Variants in PRR16 observed in about 807,000 individuals in gnomAD.
PRR16 encodes protein Largen.
PRR16 carries 6 observed loss-of-function variants against 18.2 expected under a neutral mutation model. That is an observed-to-expected ratio of 0.33 (90% CI 0.18 to 0.65). PRR16 has a LOEUF of 0.65. Among genes scored for constraint, PRR16 ranks in the 30% least tolerant of loss-of-function variants. The pLI is 0.74. For synonymous variants in PRR16, 151 were observed against 147.8 expected, an observed-to-expected ratio of 1.02 and a Z score of -0.16; for missense variants, 412 against 376.6, an observed-to-expected ratio of 1.09 and a Z score of -0.78.
At chr5:120,535,629 G>A (rs1269909321) in intron 1 of PRR16, among the ~76,000 whole-genome samples, 1 of 151,416 alleles carries the variant, frequency 6.6e-6, no homozygotes, top group Non-Finnish European at 1.5e-5. Flanking sequence ...GTGAAATCAC[G>A]TCTGTACTAA....
intron 1 of PRR16, among the ~76,000 whole-genome samples, chr5:120,670,975 C>G (rs1019972377): frequency 6.6e-6 from 1 of 152,098 alleles, no homozygotes; most frequent in African/African-American, 2.4e-5. Flanking sequence ...TAGGTAAAAC[C>G]CCACTCATTA....
intron 1 of PRR16, among the ~76,000 whole-genome samples, chr5:120,578,865 C>T (rs1753168466): frequency 6.6e-6 from 1 of 152,128 alleles, no homozygotes; most frequent in Admixed American, 6.5e-5. Context: ...TTCCCACCAA[C>T]AGTGTAAAAG....
chr5:120,470,892 C>T (rs1351022349), intron 1 of PRR16, among the ~76,000 whole-genome samples: 1 of 152,078 alleles, frequency 6.6e-6, no homozygotes, highest in Non-Finnish European at 1.5e-5. Flanking sequence ...AACCGCCAAG[C>T]TCTTTCACGT....
intron 1 of PRR16, among the ~76,000 whole-genome samples, chr5:120,590,785 C>T (rs544478179): frequency 6.6e-6 from 1 of 152,000 alleles, no homozygotes; most frequent in Non-Finnish European, 1.5e-5. Flanking sequence ...AGTCAAGCTC[C>T]TATCTCATGA....
chr5:120,709,201 G>T, the PRR16 span, among the ~76,000 whole-genome samples: 123 of 151,652 alleles, frequency 8.1e-4, no homozygotes, highest in Middle Eastern at 3.4e-3. Context: ...TAGAGACGGG[G>T]TTTCACCATG....
chr5:120,734,559 T>TA, the PRR16 span, among the ~76,000 whole-genome samples: 13 of 151,860 alleles, frequency 8.6e-5, no homozygotes, highest in Non-Finnish European at 4.4e-5. Flanking sequence ...TTTATTTTTT[T>TA]GAAAATTCTT....
chr5:120,630,881 A>G (rs1755029374), intron 1 of PRR16, among the ~76,000 whole-genome samples: 1 of 152,158 alleles, frequency 6.6e-6, no homozygotes, highest in Non-Finnish European at 1.5e-5. Flanking sequence ...GTAAATCTAG[A>G]TACGCATTTT....
chr5:120,630,591 G>A (rs79153392), intron 1 of PRR16, among the ~76,000 whole-genome samples: 2 of 150,700 alleles, frequency 1.3e-5, no homozygotes, highest in Admixed American at 6.6e-5. Context: ...TTTTTTTCAT[G>A]CACCCAGAAT....
chr5:120,568,848 A>C (rs557195212), intron 1 of PRR16, among the ~76,000 whole-genome samples: 11 of 152,240 alleles, frequency 7.2e-5, no homozygotes, highest in Middle Eastern at 3.4e-3. Flanking sequence ...TGTGAAATGA[A>C]TTTAGCTAAA....
chr5:120,488,515 T>C (rs1345182916), intron 1 of PRR16, among the ~76,000 whole-genome samples: 1 of 152,204 alleles, frequency 6.6e-6, no homozygotes, highest in Non-Finnish European at 1.5e-5. Context: ...CATTTTTTAT[T>C]GTGTCTATTT....
intron 1 of PRR16, chr5:120,618,439 C>T: frequency 2.1e-6 from 2 of 960,244 alleles, no homozygotes; most frequent in Non-Finnish European, 2.5e-6. Context: ...TGTTTTTTAA[C>T]AGTTTGTTAG....
intron 1 of PRR16, among the ~76,000 whole-genome samples, chr5:120,529,272 A>G (rs982809049): frequency 2.0e-5 from 3 of 152,198 alleles, no homozygotes; most frequent in Admixed American, 1.3e-4. Flanking sequence ...TTTGTTAATT[A>G]TGATATGATC....
intron 1 of PRR16, among the ~76,000 whole-genome samples, chr5:120,576,835 GCTTGCCAC>G (rs1561554277): frequency 6.6e-6 from 1 of 152,052 alleles, no homozygotes; most frequent in African/African-American, 2.4e-5. Flanking sequence ...TGGGTCTCCA[GCTTGCCAC>G]CTGCAGGTCT....
chr5:120,522,892 G>A (rs891226842), intron 1 of PRR16, among the ~76,000 whole-genome samples: 18 of 152,088 alleles, frequency 1.2e-4, no homozygotes, highest in African/African-American at 2.2e-4. Flanking sequence ...CTGGGATTAC[G>A]GGCATGAGCC....
chr5:120,659,678 G>A (rs1014210060), intron 1 of PRR16, among the ~76,000 whole-genome samples: 4 of 151,900 alleles, frequency 2.6e-5, no homozygotes, highest in South Asian at 2.1e-4. Context: ...GTAAATTTTG[G>A]TCTTTTTTAT....
intron 1 of PRR16, among the ~76,000 whole-genome samples, chr5:120,510,567 T>C (rs893596440): frequency 1.3e-5 from 2 of 152,184 alleles, no homozygotes; most frequent in African/African-American, 4.8e-5. Context: ...ATATTAGACA[T>C]TGTGTGATGC....
At chr5:120,561,256 A>G (rs1323870146) in intron 1 of PRR16, among the ~76,000 whole-genome samples, 2 of 151,948 alleles carry the variant, frequency 1.3e-5, no homozygotes, top group South Asian at 2.1e-4. Flanking sequence ...CCTTATAGCT[A>G]TAAATTTTTC....
At chr5:120,705,340 G>A in the PRR16 span, among the ~76,000 whole-genome samples, 1 of 151,930 alleles carries the variant, frequency 6.6e-6, no homozygotes, top group Non-Finnish European at 1.5e-5. Flanking sequence ...TATTCTTCAT[G>A]ATCTCCCTCA....
rs149630751 is a variant in PRR16, at chr5:120,584,954, C to G, written c.160-101000C>G. 1.3e-4 allele frequency among the ~76,000 whole-genome samples: 20 copies of G among 152,184 alleles called. 1 individual carries two copies. The East Asian group carries it at 3.9e-3, about 29-fold the overall frequency. ...TCAAAGCAGAAGGGGGCTGAAACTCCTCTCCTCTGATTTCAAGCCCCTGGT... is the reference window on the plus strand; with the variant it reads ...TCAAAGCAGAAGGGGGCTGAAACTCGTCTCCTCTGATTTCAAGCCCCTGGT... On this transcript the variant is annotated intron_variant, in intron 1 of 1. Transcript: ENST00000407149.
Sources: allele counts gnomAD v4.1 joint callset (sites outside exome capture counted in the v4.1 genomes callset), GRCh38; gene constraint gnomAD v4.1.1; transcripts MANE v1.5; gene names NCBI Gene and HGNC (gene_info 2026-07-23, HGNC 2026-07-21).